The following ERC2 variants were observed in gnomAD, a reference collection of about 807,000 sequenced individuals.
ERC2 encodes ELKS/RAB6-interacting/CAST family member 2.
A neutral mutation model predicts 114.8 loss-of-function variants in ERC2; 42 were observed. That is an observed-to-expected ratio of 0.37 (90% CI 0.29 to 0.47). The LOEUF (loss-of-function observed/expected upper bound fraction) is 0.47. Ranked by LOEUF, ERC2 falls within the 20% of genes least tolerant of loss-of-function variation. The probability of loss-of-function intolerance (pLI) is 0.99; values close to 1 mark genes in which losing one functional copy is unlikely to be tolerated. For missense variants in ERC2, 939 were observed against 1,150.7 expected, an observed-to-expected ratio of 0.82 and a Z score of 2.66; for synonymous variants, 454 against 425.5, an observed-to-expected ratio of 1.07 and a Z score of -0.82.
chr3:55,924,139 A>G (rs2149389044), intron 13 of ERC2, among the ~76,000 whole-genome samples: 1 of 152,244 alleles, frequency 6.6e-6, no homozygotes, highest in South Asian at 2.1e-4. Flanking sequence ...AAACAACACA[A>G]AAAATCAGAG....
At chr3:56,180,173 A>T (rs958596944) in intron 3 of ERC2, among the ~76,000 whole-genome samples, 1 of 152,184 alleles carries the variant, frequency 6.6e-6, no homozygotes, top group Non-Finnish European at 1.5e-5. Flanking sequence ...AAGCTAGAGA[A>T]TTGACCACTG....
intron 6 of ERC2, among the ~76,000 whole-genome samples, chr3:56,109,189 C>A (rs2078829281): frequency 1.3e-5 from 2 of 151,958 alleles, no homozygotes; most frequent in South Asian, 4.2e-4. Context: ...CACCTTCTAC[C>A]TTCAGGTAGG....
intron 17 of ERC2, among the ~76,000 whole-genome samples, chr3:55,590,770 T>A (rs2057836142): frequency 6.6e-6 from 1 of 152,218 alleles, no homozygotes; most frequent in Admixed American, 6.5e-5. Flanking sequence ...CATCTGGTGT[T>A]GTAATCAAAC....
rs1559602654 is a variant in ERC2, at chr3:55,528,734, A to T, written c.*40-17458T>A. Among the ~76,000 whole-genome samples the T allele has an allele frequency of 2.0e-5, 3 of 152,302 alleles. No individual in the cohort carries two copies. In the East Asian group the frequency reaches 5.8e-4, roughly 29 times the overall value. ...GACAAGTCATTTCTGACTTGTTGAGATTATTCTTTATTTAAGAATTCCTTG... is the reference window on the plus strand; with the variant it reads ...GACAAGTCATTTCTGACTTGTTGAGTTTATTCTTTATTTAAGAATTCCTTG... On this transcript the variant is annotated intron_variant, in intron 17 of 17. Transcript: ENST00000288221.
chr3:55,570,377 G>T (rs1261451665), intron 17 of ERC2, among the ~76,000 whole-genome samples: 1 of 152,164 alleles, frequency 6.6e-6, no homozygotes, highest in Non-Finnish European at 1.5e-5. Context: ...AGTTCGGCCA[G>T]AAGAGAGGCG....
At chr3:56,082,470 C>G (rs944087494) in intron 6 of ERC2, among the ~76,000 whole-genome samples, 2 of 151,930 alleles carry the variant, frequency 1.3e-5, no homozygotes, top group African/African-American at 4.8e-5. Context: ...AGTCTCGGTG[C>G]TTTGTTCTAG....
At chr3:56,079,067 T>C (rs1031409174) in intron 7 of ERC2, among the ~76,000 whole-genome samples, 1 of 152,080 alleles carries the variant, frequency 6.6e-6, no homozygotes, top group Non-Finnish European at 1.5e-5. Flanking sequence ...GCATGAGCCA[T>C]GTGGCTATTT....
intron 2 of ERC2, among the ~76,000 whole-genome samples, chr3:56,380,650 A>T (rs183829837): frequency 0.01 from 1,574 of 152,288 alleles, 11 homozygotes; most frequent in Non-Finnish European, 0.016. Flanking sequence ...CAAACATCCA[A>T]CCAACTGCAA....
At chr3:56,181,438 C>T (rs966697036) in intron 3 of ERC2, among the ~76,000 whole-genome samples, 2 of 152,180 alleles carry the variant, frequency 1.3e-5, no homozygotes, top group African/African-American at 4.8e-5. Context: ...AATGGCAGAA[C>T]TGAGTGGTTG....
intron 13 of ERC2, among the ~76,000 whole-genome samples, chr3:55,899,005 G>A (rs1203588705): frequency 1.3e-5 from 2 of 152,190 alleles, no homozygotes; most frequent in African/African-American, 4.8e-5. Context: ...CACTTCCAAT[G>A]TGTCTGGTGC....
intron 12 of ERC2, among the ~76,000 whole-genome samples, chr3:55,979,025 T>C (rs2069845401): frequency 6.6e-6 from 1 of 152,148 alleles, no homozygotes; most frequent in Admixed American, 6.5e-5. Context: ...CCAGTGAGTG[T>C]TTCTCACCAA....
chr3:55,722,291 C>G (rs1169286381), intron 15 of ERC2, among the ~76,000 whole-genome samples: 3 of 152,058 alleles, frequency 2.0e-5, no homozygotes, highest in Non-Finnish European at 2.9e-5. Context: ...CTGGCTCCCC[C>G]ACCTTGTCAA....
intron 17 of ERC2, among the ~76,000 whole-genome samples, chr3:55,583,350 C>T (rs566268085): frequency 4.0e-5 from 6 of 150,222 alleles, no homozygotes; most frequent in Non-Finnish European, 7.5e-5. Context: ...TGTCTGCCTG[C>T]CTGCCTGCCT....
Position 56,296,272 on chromosome 3 carries a change from G to C in ERC2, c.821C>G (p.Ala274Gly), listed in dbSNP as rs2055427446. 6.2e-7 allele frequency: 1 copy of C among 1,613,830 alleles called. No individual in the cohort carries two copies. Among genetic ancestry groups the C allele is most frequent in the Non-Finnish European group, 8.5e-7 (1 of 1,179,888 alleles). ...CTTCCTCAAAAGGAACAGCTCCTTA[G>C]CCTGCCTGTCATGCTCGGCTTGGAG... Reference protein sequence around the residue: ...RRLQAEHDRQAKELFLLRKTL... With the variant: ...RRLQAEHDRQGKELFLLRKTL... Residue 274 changes from alanine to glycine, a missense_variant, in exon 3 of 18, where the codon GCT (alanine) becomes GGT (glycine). Physicochemically the swap from Ala to Gly is moderately conservative, Grantham distance 60. This residue lies in a region of ERC2 where 33 missense variants were observed against 75.6 expected (regional missense o/e 0.44). Transcript: ENST00000288221.
intron 17 of ERC2, among the ~76,000 whole-genome samples, chr3:55,646,157 G>T (rs564974953): frequency 2.0e-5 from 3 of 152,286 alleles, no homozygotes; most frequent in Admixed American, 2.0e-4. Context: ...TTTGCTTATT[G>T]TGTTTCTGGA....
Position 55,741,956 on chromosome 3 carries a change from T to A in ERC2, c.2565-7038A>T, listed in dbSNP as rs76802452. 6.2e-3 allele frequency among the ~76,000 whole-genome samples: 943 copies of A among 152,274 alleles called. 24 individuals are homozygous for A. Among genetic ancestry groups the A allele is most frequent in the South Asian group, 0.061 (293 of 4,824 alleles). ...AAAAAGGGGGAAATTCTGTGCCCTG[T>A]CATACATTTAGTCAGGATTAACAGT... On this transcript the variant is annotated intron_variant, in intron 14 of 17. Coordinates refer to ENST00000288221, the MANE Select transcript of ERC2 (RefSeq NM_015576.3).
In ERC2 at chr3:56,093,329, A is replaced by G. The variant is rs548918577; in HGVS notation, c.1474-12345T>C. On this transcript the variant is annotated intron_variant, in intron 6 of 17. Coordinates refer to ENST00000288221, the MANE Select transcript of ERC2 (RefSeq NM_015576.3). ...AATCTCTCCTTGCTAATAGATTTCAATATAGCCTTTGTGTTTGCACTTAAG... is the reference window on the plus strand; with the variant it reads ...AATCTCTCCTTGCTAATAGATTTCAGTATAGCCTTTGTGTTTGCACTTAAG... 3.9e-5 allele frequency among the ~76,000 whole-genome samples: 6 copies of G among 152,352 alleles called. No homozygotes were observed. The East Asian group carries it at 9.6e-4, about 24-fold the overall frequency.
intron 3 of ERC2, among the ~76,000 whole-genome samples, chr3:56,275,207 G>A (rs1395120028): frequency 1.3e-5 from 2 of 152,180 alleles, no homozygotes; most frequent in Non-Finnish European, 2.9e-5. Flanking sequence ...ATAAAAATTT[G>A]TAAATAAGCA....
At chr3:56,340,879 G>A (rs954809238) in intron 2 of ERC2, among the ~76,000 whole-genome samples, 10 of 151,890 alleles carry the variant, frequency 6.6e-5, no homozygotes, top group African/African-American at 2.4e-4. Flanking sequence ...ACAGTAAAAG[G>A]AGAAAGACCT....
Sources: allele counts gnomAD v4.1 joint callset (sites outside exome capture counted in the v4.1 genomes callset), GRCh38; gene constraint gnomAD v4.1.1; regional missense constraint gnomAD v4.1.1; transcripts MANE v1.5; gene names NCBI Gene and HGNC (gene_info 2026-07-23, HGNC 2026-07-21).